The following SLC24A2 variants were observed in gnomAD, a reference collection of about 807,000 sequenced individuals.
SLC24A2 encodes the protein sodium/potassium/calcium exchanger 2.
In SLC24A2, 36 loss-of-function variants were observed where a neutral mutation model predicts 62.0. The ratio of observed to expected loss-of-function variants is 0.58; its 90% CI spans 0.44 to 0.77. SLC24A2 has a LOEUF of 0.77. Among genes scored for constraint, SLC24A2 ranks in the 30% least tolerant of loss-of-function variants. The pLI is 0.00. For synonymous variants in SLC24A2, 358 were observed against 294.0 expected (o/e 1.22, Z -2.23); for missense variants, 846 against 817.9 (o/e 1.03, Z -0.42).
intron 2 of SLC24A2, among the ~76,000 whole-genome samples, chr9:19,765,648 G>A (rs1371755532): frequency 1.3e-5 from 2 of 152,336 alleles, no homozygotes; most frequent in African/African-American, 2.4e-5. Context: ...GGCTTGTAGG[G>A]TTTCTGCAGA....
chr9:19,862,199 A>G, the SLC24A2 span, among the ~76,000 whole-genome samples: 1 of 152,198 alleles, frequency 6.6e-6, no homozygotes, highest in Non-Finnish European at 1.5e-5. Context: ...ACAACAAATG[A>G]AAATAAACAA....
chr9:19,935,305 A>G, the SLC24A2 span, among the ~76,000 whole-genome samples: 1 of 152,082 alleles, frequency 6.6e-6, no homozygotes, highest in Non-Finnish European at 1.5e-5. Flanking sequence ...GATGATTGTT[A>G]AGCATACTAA....
At chr9:20,071,593 T>C in the SLC24A2 span, among the ~76,000 whole-genome samples, 8 of 152,172 alleles carry the variant, frequency 5.3e-5, no homozygotes, top group Non-Finnish European at 7.3e-5. Flanking sequence ...TTATATGGTG[T>C]TTCAGGAAAA....
intron 7 of SLC24A2, among the ~76,000 whole-genome samples, chr9:19,559,499 G>T (rs564735461): frequency 6.6e-6 from 1 of 152,222 alleles, no homozygotes. Flanking sequence ...TCTAAGCAGG[G>T]GGCAAGACTC....
chr9:20,112,667 A>G, the SLC24A2 span, among the ~76,000 whole-genome samples: 3 of 152,238 alleles, frequency 2.0e-5, no homozygotes, highest in South Asian at 2.1e-4. Flanking sequence ...CTAGATGGAC[A>G]TTCTGTAGGG....
At chr9:20,149,110 G>A in the SLC24A2 span, among the ~76,000 whole-genome samples, 1 of 152,008 alleles carries the variant, frequency 6.6e-6, no homozygotes, top group Non-Finnish European at 1.5e-5. Context: ...GAAACACTGA[G>A]CAGATTTGTA....
chr9:19,651,297 T>C (rs2118160581), intron 2 of SLC24A2, among the ~76,000 whole-genome samples: 2 of 152,336 alleles, frequency 1.3e-5, no homozygotes, highest in East Asian at 3.9e-4. Context: ...ATATATTGCC[T>C]ACTTCAATTC....
chr9:20,012,365 C>G, the SLC24A2 span, among the ~76,000 whole-genome samples: 1 of 152,152 alleles, frequency 6.6e-6, no homozygotes. Context: ...GAGTCTTATT[C>G]ACCATCATGA....
At chr9:19,845,713 A>C in the SLC24A2 span, among the ~76,000 whole-genome samples, 1 of 151,964 alleles carries the variant, frequency 6.6e-6, no homozygotes, top group Non-Finnish European at 1.5e-5. Flanking sequence ...TAACTTTTTG[A>C]AGTAGATGTT....
At chr9:19,522,111 C>T (rs534022511) in intron 9 of SLC24A2, among the ~76,000 whole-genome samples, 7 of 152,266 alleles carry the variant, frequency 4.6e-5, no homozygotes, top group South Asian at 2.1e-4. Context: ...TGGGCTCAAG[C>T]GATCTTCCAA....
the SLC24A2 span, among the ~76,000 whole-genome samples, chr9:19,871,492 C>T: frequency 4.6e-5 from 7 of 152,266 alleles, no homozygotes; most frequent in African/African-American, 1.7e-4. Flanking sequence ...CTTTCTGCTG[C>T]TATCTCACAT....
chr9:19,970,261 C>A, the SLC24A2 span, among the ~76,000 whole-genome samples: 2 of 152,144 alleles, frequency 1.3e-5, no homozygotes, highest in Non-Finnish European at 2.9e-5. Context: ...TTCAGGAATC[C>A]TTCCACAAAG....
intron 8 of SLC24A2, among the ~76,000 whole-genome samples, chr9:19,548,647 G>A (rs1834696436): frequency 2.6e-5 from 4 of 152,128 alleles, no homozygotes; most frequent in Admixed American, 2.6e-4. Flanking sequence ...AAACCAACAG[G>A]AATCAATCAA....
chr9:19,636,280 TCTTCTC>T (rs1214602427), intron 2 of SLC24A2, among the ~76,000 whole-genome samples: 21 of 6,894 alleles, frequency 3.0e-3, no homozygotes, highest in African/African-American at 7.7e-3. Flanking sequence ...CTTCTTCTCT[TCTTCTC>T]TTCTTTTCTT....
At chr9:20,061,948 T>G in the SLC24A2 span, among the ~76,000 whole-genome samples, 1 of 152,302 alleles carries the variant, frequency 6.6e-6, no homozygotes, top group South Asian at 2.1e-4. Context: ...AAAAGCCTTG[T>G]ATCTAGCCTG....
At chr9:20,166,485 G>A in the SLC24A2 span, among the ~76,000 whole-genome samples, 1 of 151,884 alleles carries the variant, frequency 6.6e-6, no homozygotes, top group Non-Finnish European at 1.5e-5. Flanking sequence ...AGAGGGAGAA[G>A]ATCTCTGTAA....
At chr9:19,678,017 C>G (rs1217095758) in intron 2 of SLC24A2, among the ~76,000 whole-genome samples, 1 of 152,160 alleles carries the variant, frequency 6.6e-6, no homozygotes, top group Non-Finnish European at 1.5e-5. Flanking sequence ...CAATCCTGGT[C>G]TTAAATCTTA....
At chr9:20,056,729 T>C in the SLC24A2 span, among the ~76,000 whole-genome samples, 1 of 152,152 alleles carries the variant, frequency 6.6e-6, no homozygotes, top group Admixed American at 6.6e-5. Context: ...CCTTTTGGTC[T>C]CTGAAGCTTG....
the SLC24A2 span, among the ~76,000 whole-genome samples, chr9:19,801,230 C>T: frequency 7.9e-5 from 12 of 152,176 alleles, no homozygotes; most frequent in African/African-American, 2.2e-4. Flanking sequence ...CCCTGGGTCA[C>T]GGAAGAGAAC....
Sources: allele counts gnomAD v4.1 joint callset (sites outside exome capture counted in the v4.1 genomes callset), GRCh38; gene constraint gnomAD v4.1.1; transcripts MANE v1.5; gene names NCBI Gene and HGNC (gene_info 2026-07-23, HGNC 2026-07-21).